Variants in PHACTR1 observed in about 807,000 individuals in gnomAD.
PHACTR1 encodes RPEL repeat containing 1.
Under a neutral mutation model 69.2 loss-of-function variants are expected in PHACTR1, and 16 were observed. The ratio of observed to expected loss-of-function variants is 0.23; its 90% CI spans 0.16 to 0.35. The LOEUF (loss-of-function observed/expected upper bound fraction) is 0.35. Among genes scored for constraint, PHACTR1 ranks in the 10% least tolerant of loss-of-function variants. The pLI is 1.00. For missense variants in PHACTR1, 510 were observed against 734.7 expected, an observed-to-expected ratio of 0.69 and a Z score of 3.54; for synonymous variants, 312 against 284.5, an observed-to-expected ratio of 1.10 and a Z score of -0.97.
chr6:12,819,587 G>A (rs890258476), intron 4 of PHACTR1, among the ~76,000 whole-genome samples: 2 of 152,096 alleles, frequency 1.3e-5, no homozygotes, highest in Non-Finnish European at 2.9e-5. Flanking sequence ...GCCATAAAAT[G>A]GAAATATGAA....
intron 4 of PHACTR1, among the ~76,000 whole-genome samples, chr6:12,869,639 A>G (rs1781825105): frequency 6.6e-6 from 1 of 152,168 alleles, no homozygotes; most frequent in Admixed American, 6.5e-5. Context: ...CCTGCTGACC[A>G]TAGTGCTTTT....
At chr6:13,197,377 G>A (rs1764586730) in intron 7 of PHACTR1, among the ~76,000 whole-genome samples, 1 of 152,130 alleles carries the variant, frequency 6.6e-6, no homozygotes, top group African/African-American at 2.4e-5. Context: ...ATGGAGCTGT[G>A]TAGTTATTAA....
intron 4 of PHACTR1, among the ~76,000 whole-genome samples, chr6:12,879,400 G>A (rs1322212615): frequency 1.3e-5 from 2 of 152,126 alleles, no homozygotes; most frequent in East Asian, 3.9e-4. Context: ...AGCCTTGTAG[G>A]TCAGGCAACT....
chr6:13,116,669 A>C (rs1817868319), intron 5 of PHACTR1, among the ~76,000 whole-genome samples: 1 of 152,116 alleles, frequency 6.6e-6, no homozygotes, highest in African/African-American at 2.4e-5. Context: ...CTTGCTATAT[A>C]CTTTTTTGTA....
intron 10 of PHACTR1, among the ~76,000 whole-genome samples, chr6:13,257,711 A>G (rs1775371160): frequency 6.6e-6 from 1 of 152,062 alleles, no homozygotes. Context: ...CAGTAGAGTC[A>G]TATGCAGGCT....
chr6:13,041,714 T>C (rs1804206900), intron 4 of PHACTR1, among the ~76,000 whole-genome samples: 1 of 152,056 alleles, frequency 6.6e-6, no homozygotes, highest in Admixed American at 6.5e-5. Context: ...TGTCCAGGAG[T>C]GTATTAACCT....
At chr6:13,091,964 AT>A (rs1293387387) in intron 5 of PHACTR1, among the ~76,000 whole-genome samples, 1 of 151,934 alleles carries the variant, frequency 6.6e-6, no homozygotes, top group African/African-American at 2.4e-5. Flanking sequence ...CGCCTGGCTA[AT>A]TTTTTTGCAT....
chr6:12,988,490 G>C (rs1293215166), intron 4 of PHACTR1, among the ~76,000 whole-genome samples: 1 of 152,164 alleles, frequency 6.6e-6, no homozygotes, highest in Non-Finnish European at 1.5e-5. Flanking sequence ...GCTAATAGAG[G>C]TGATGCATTA....
At position 12,717,500 on chromosome 6, in the gene PHACTR1, C is replaced by G. The variant is rs1335947130; in HGVS notation, c.-281-9C>G. ...TACACGGGAAACTGGTAATTTTCTC[C>G]CTTCGCAGGGGAGGGTGCAGAGGCT... On this transcript the variant is annotated splice_polypyrimidine_tract_variant and intron_variant, in intron 1 of 14. Transcript: ENST00000332995. 1 of 152,020 alleles carries G rather than the reference C, an allele frequency of 6.6e-6. No homozygotes were observed. Among genetic ancestry groups the G allele is most frequent in the Non-Finnish European group, 1.5e-5 (1 of 67,998 alleles). The allele number at this position is 152,020 out of a possible 1,614,324, so 9.4% of individuals were successfully genotyped here.
intron 4 of PHACTR1, among the ~76,000 whole-genome samples, chr6:12,762,491 T>A (rs1344619275): frequency 6.6e-6 from 1 of 152,238 alleles, no homozygotes; most frequent in Non-Finnish European, 1.5e-5. Context: ...TTATTACAAT[T>A]GTGAAAAATT....
chr6:13,218,811 A>G (rs13213317), intron 8 of PHACTR1, among the ~76,000 whole-genome samples: 21,295 of 149,186 alleles, frequency 0.14, 1,946 homozygotes, highest in South Asian at 0.33. Context: ...GAAGAAGAAG[A>G]AGGAGGAGGA....
At chr6:12,769,523 C>T (rs1426671144) in intron 4 of PHACTR1, among the ~76,000 whole-genome samples, 1 of 152,198 alleles carries the variant, frequency 6.6e-6, no homozygotes, top group Non-Finnish European at 1.5e-5. Flanking sequence ...TTGATGAACC[C>T]TCTGTGTCTT....
intron 4 of PHACTR1, among the ~76,000 whole-genome samples, chr6:12,886,287 C>T (rs1325796810): frequency 6.8e-6 from 1 of 147,830 alleles, no homozygotes; most frequent in Non-Finnish European, 1.5e-5. Flanking sequence ...TAAGAAAAAA[C>T]ATTCAAAGGT....
chr6:12,717,234 C>G (rs1300405086), intron 1 of PHACTR1, among the ~76,000 whole-genome samples: 1 of 152,024 alleles, frequency 6.6e-6, no homozygotes, highest in African/African-American at 2.4e-5. Flanking sequence ...ATAACTGGTG[C>G]CCCCACAAAA....
chr6:13,144,770 CAGAA>C (rs1561895336), intron 5 of PHACTR1, among the ~76,000 whole-genome samples: 6 of 17,360 alleles, frequency 3.5e-4, no homozygotes, highest in Non-Finnish European at 3.7e-4. Flanking sequence ...GACCCTGTCT[CAGAA>C]AAAAAAAAAA....
chr6:12,897,443 T>C (rs1454516310), intron 4 of PHACTR1, among the ~76,000 whole-genome samples: 1 of 152,084 alleles, frequency 6.6e-6, no homozygotes, highest in Non-Finnish European at 1.5e-5. Context: ...CCATTGACAT[T>C]AAACATGCCC....
chr6:13,125,088 G>T (rs1819333355), intron 5 of PHACTR1, among the ~76,000 whole-genome samples: 1 of 152,158 alleles, frequency 6.6e-6, no homozygotes, highest in Non-Finnish European at 1.5e-5. Context: ...AGTGGAAGAG[G>T]CAAAAGGAAA....
intron 5 of PHACTR1, among the ~76,000 whole-genome samples, chr6:13,091,204 G>A (rs1813227496): frequency 1.3e-5 from 2 of 151,572 alleles, no homozygotes. Flanking sequence ...TCACCACGTT[G>A]TCCAGGCTGG....
intron 5 of PHACTR1, among the ~76,000 whole-genome samples, chr6:13,113,122 G>A (rs905960996): frequency 2.6e-5 from 4 of 152,030 alleles, no homozygotes. Flanking sequence ...GATCACTTGA[G>A]CCCAAGAGTT....
Sources: gnomAD v4.1 joint callset for allele counts (sites outside exome capture counted in the v4.1 genomes callset) on GRCh38, gnomAD v4.1.1 for gene constraint, MANE v1.5 for transcripts, NCBI Gene and HGNC (gene_info 2026-07-23, HGNC 2026-07-21) for gene names.